COL14A1: variants seen among roughly 807,000 people sequenced by gnomAD.
The protein encoded by COL14A1 is collagen type XIV alpha 1 chain.
COL14A1 carries 136 observed loss-of-function variants against 230.3 expected under a neutral mutation model. The observed-to-expected ratio is 0.59, with a 90% CI of 0.51 to 0.68. The LOEUF is 0.68. COL14A1 is among the 30% of genes least tolerant of loss of function. COL14A1 has a pLI of 0.00. For synonymous variants in COL14A1, 792 were observed against 784.1 expected (o/e 1.01, Z -0.17); for missense variants, 1,976 against 2,215.8 (o/e 0.89, Z 2.17).
At chr8:120,161,670 AT>A (rs1056050713) in intron 3 of COL14A1, among the ~76,000 whole-genome samples, 6 of 148,562 alleles carry the variant, frequency 4.0e-5, no homozygotes, top group South Asian at 2.1e-4. Flanking sequence ...TCCCCTTCAC[AT>A]TTTTTTTTTG....
chr8:120,250,808 T>C, intron 22 of COL14A1, 42 bp downstream of exon 22: 1 of 1,603,966 alleles, frequency 6.2e-7, no homozygotes, highest in Admixed American at 1.7e-5. Context: ...TATGGGTTTT[T>C]GTTTTGTTTT....
At chr8:120,143,030 G>A (rs1262656692) in intron 1 of COL14A1, among the ~76,000 whole-genome samples, 3 of 152,138 alleles carry the variant, frequency 2.0e-5, no homozygotes, top group African/African-American at 7.2e-5. Context: ...TGCACTTAAA[G>A]CTACTACCTG....
chr8:120,178,750 CT>C (rs996427039), intron 5 of COL14A1, among the ~76,000 whole-genome samples: 4 of 152,154 alleles, frequency 2.6e-5, no homozygotes, highest in Admixed American at 6.5e-5. Context: ...TGTTTCCTGA[CT>C]TTTTAATAGA....
At chr8:120,210,275 T>A (rs1320127274) in intron 12 of COL14A1, among the ~76,000 whole-genome samples, 1 of 152,240 alleles carries the variant, frequency 6.6e-6, no homozygotes, top group Non-Finnish European at 1.5e-5. Flanking sequence ...GATAGCTTGC[T>A]ATATAAATAA....
At chr8:120,335,522 G>A (rs556322600) in intron 42 of COL14A1, among the ~76,000 whole-genome samples, 21 of 152,142 alleles carry the variant, frequency 1.4e-4, no homozygotes, top group Non-Finnish European at 2.6e-4. Context: ...ATGCTTGCTG[G>A]CGGCCAGACT....
At chr8:120,130,274 G>A (rs1004028988) in intron 1 of COL14A1, among the ~76,000 whole-genome samples, 1 of 152,192 alleles carries the variant, frequency 6.6e-6, no homozygotes, top group Non-Finnish European at 1.5e-5. Context: ...TTATCTCACT[G>A]AGGACCAGTA....
Position 120,280,057 on chromosome 8 carries a change from G to A in COL14A1, c.3604G>A (p.Glu1202Lys), listed in dbSNP as rs1316632101. The stretch of plus-strand genomic sequence containing the variant: ...TGACTTTGACGCCTTTAAGAAAATC[G>A]AAGATGAGTTAATTACTTTTGTCTG... Reference protein sequence around the residue: ...VDDFDAFKKIEDELITFVCET... With the variant: ...VDDFDAFKKIKDELITFVCET... Residue 1202 changes from glutamate to lysine, a missense_variant, in exon 29 of 48, where the codon GAA becomes AAA. This residue lies in a region of COL14A1 where 1,791 missense variants were observed against 2,019.5 expected (regional missense o/e 0.89). Coordinates refer to ENST00000297848, the MANE Select transcript of COL14A1 (RefSeq NM_021110.4). The A allele has an allele frequency of 3.7e-6, 6 of 1,613,642 alleles. No homozygotes were observed. The highest frequency in any genetic ancestry group is 4.5e-5 in the East Asian group (2 of 44,884).
At chr8:120,296,926 A>G (rs1194472904) in intron 34 of COL14A1, among the ~76,000 whole-genome samples, 1 of 152,008 alleles carries the variant, frequency 6.6e-6, no homozygotes, top group Non-Finnish European at 1.5e-5. Context: ...AAGTTCTTCT[A>G]GGTCAGGACT....
At chr8:120,192,281 A>G (rs1430640071) in intron 5 of COL14A1, among the ~76,000 whole-genome samples, 1 of 152,070 alleles carries the variant, frequency 6.6e-6, no homozygotes, top group South Asian at 2.1e-4. Flanking sequence ...TCTTTAAAGT[A>G]TTTTATTTCT....
intron 5 of COL14A1, among the ~76,000 whole-genome samples, chr8:120,192,968 T>C (rs1332129152): frequency 5.3e-5 from 8 of 152,170 alleles, no homozygotes; most frequent in Non-Finnish European, 8.8e-5. Flanking sequence ...TCAAAGTTTT[T>C]AACTTCTTTG....
At chr8:120,213,241 G>A (rs1288046679) in intron 13 of COL14A1, among the ~76,000 whole-genome samples, 6 of 151,940 alleles carry the variant, frequency 3.9e-5, no homozygotes, top group Non-Finnish European at 7.4e-5. Context: ...TTAAAAATAT[G>A]GTATAAACAA....
At chr8:120,170,458 A>G (rs1816062369) in intron 5 of COL14A1, among the ~76,000 whole-genome samples, 1 of 152,048 alleles carries the variant, frequency 6.6e-6, no homozygotes, top group African/African-American at 2.4e-5. Context: ...TTAGAAGAAG[A>G]TATTTATTTA....
chr8:120,329,944 A>G (rs911503687), intron 40 of COL14A1, among the ~76,000 whole-genome samples: 1 of 152,130 alleles, frequency 6.6e-6, no homozygotes, highest in African/African-American at 2.4e-5. Flanking sequence ...TGCTCCACAC[A>G]GTCATTTAGG....
chr8:120,332,574 G>A lies in COL14A1; in HGVS notation c.4714-90G>A, dbSNP rs559669633. On this transcript the variant is annotated intron_variant, in intron 41 of 47. Transcript: ENST00000297848. Reference sequence around the variant, plus strand: ...TGAGGGGGAGGGAAGCTATCATGGTGTGTATTTGTTACTCTTGCTTAAAAG... The same window carrying A: ...TGAGGGGGAGGGAAGCTATCATGGTATGTATTTGTTACTCTTGCTTAAAAG... 203 of 1,035,710 alleles carry A rather than the reference G, an allele frequency of 2.0e-4. 1 individual carries two copies. In the East Asian group the frequency reaches 4.8e-3, roughly 25 times the overall value. 64.2% of individuals were successfully genotyped at this position (1,035,710 alleles called of 1,614,324 possible). A position where few individuals can be genotyped will look rare whatever the true frequency, so the allele number is the denominator to read the frequency against.
At chr8:120,142,328 C>T (rs930000263) in intron 1 of COL14A1, among the ~76,000 whole-genome samples, 4 of 152,174 alleles carry the variant, frequency 2.6e-5, no homozygotes, top group African/African-American at 7.2e-5. Context: ...TTCTCCTGCA[C>T]TCATGCCTTC....
intron 36 of COL14A1, among the ~76,000 whole-genome samples, chr8:120,304,492 A>AT (rs1820802491): frequency 6.6e-6 from 1 of 151,994 alleles, no homozygotes; most frequent in Non-Finnish European, 1.5e-5. Flanking sequence ...CTTAATTTTA[A>AT]TTTTTTATAT....
intron 40 of COL14A1, among the ~76,000 whole-genome samples, chr8:120,330,197 C>T (rs1369921034): frequency 6.6e-6 from 1 of 152,150 alleles, no homozygotes; most frequent in Non-Finnish European, 1.5e-5. Flanking sequence ...AGGAAAACCA[C>T]AAATATTGGT....
chr8:120,171,558 T>C lies in COL14A1; in HGVS notation c.436+3311T>C, dbSNP rs73321651. Among the ~76,000 whole-genome samples, 1,257 of 152,336 alleles carry C rather than the reference T, an allele frequency of 8.3e-3. 22 individuals are homozygous for C. Among genetic ancestry groups the C allele is most frequent in the African/African-American group, 0.029 (1,216 of 41,584 alleles). ...AGACATTTTACTACCTTCTGGCTCC[T>C]GTTGCTTTGTTGACATGTGTGTTTT... On this transcript the variant is annotated intron_variant, in intron 5 of 47. Coordinates refer to ENST00000297848, the MANE Select transcript of COL14A1 (RefSeq NM_021110.4).
At chr8:120,189,809 T>C (rs1816759032) in intron 5 of COL14A1, among the ~76,000 whole-genome samples, 4 of 152,134 alleles carry the variant, frequency 2.6e-5, no homozygotes, top group African/African-American at 9.7e-5. Context: ...ACAAAGGACA[T>C]GAACTCATCA....
Sources: allele counts gnomAD v4.1 joint callset (sites outside exome capture counted in the v4.1 genomes callset), GRCh38; gene constraint gnomAD v4.1.1; regional missense constraint gnomAD v4.1.1; transcripts MANE v1.5; gene names NCBI Gene and HGNC (gene_info 2026-07-23, HGNC 2026-07-21).